The following INO80 variants were observed in gnomAD, a reference collection of about 807,000 sequenced individuals.
INO80 encodes the protein INO80 complex ATPase subunit, also known as chromatin-remodeling ATPase INO80.
A neutral mutation model predicts 203.4 loss-of-function variants in INO80; 20 were observed. The observed-to-expected ratio is 0.10, with a 90% CI of 0.07 to 0.14. The LOEUF (loss-of-function observed/expected upper bound fraction) is 0.14. Ranked by LOEUF, INO80 falls within the 10% of genes least tolerant of loss-of-function variation. The pLI, the probability that INO80 is intolerant of heterozygous loss-of-function variation, is 1.00. For synonymous variants in INO80, 726 were observed against 685.2 expected, an observed-to-expected ratio of 1.06 and a Z score of -0.93; for missense variants, 1,419 against 1,914.4, an observed-to-expected ratio of 0.74 and a Z score of 4.83.
chr15:40,989,530 A>G (rs1374833935), intron 29 of INO80, among the ~76,000 whole-genome samples: 1 of 152,200 alleles, frequency 6.6e-6, no homozygotes, highest in African/African-American at 2.4e-5. Flanking sequence ...TTTCTACTGT[A>G]ACAATCCCAC....
At chr15:41,087,126 A>T (rs1229591187) in intron 6 of INO80, among the ~76,000 whole-genome samples, 1 of 151,898 alleles carries the variant, frequency 6.6e-6, no homozygotes, top group East Asian at 1.9e-4. Flanking sequence ...GATCAAAAAT[A>T]TTCAGGAAAA....
chr15:40,985,665 T>C (rs186067299), intron 31 of INO80, among the ~76,000 whole-genome samples: 2 of 152,272 alleles, frequency 1.3e-5, no homozygotes, highest in East Asian at 3.9e-4. Context: ...ATCCCAGCAC[T>C]TTGGGAGGCT....
At position 41,079,923 on chromosome 15, in the gene INO80, T is replaced by A. The variant is rs367735290; in HGVS notation, c.928-19A>T. ...GAGCAAGCTGAAAACAACAACAGCATTACAGCGGAAAGGACCCCATACCAG... is the reference window on the plus strand; with the variant it reads ...GAGCAAGCTGAAAACAACAACAGCAATACAGCGGAAAGGACCCCATACCAG... On this transcript the variant is annotated intron_variant, in intron 8 of 35. Transcript: ENST00000648947. The A allele has an allele frequency of 6.2e-7, 1 of 1,611,554 alleles. No homozygotes were observed.
intron 1 of INO80, among the ~76,000 whole-genome samples, chr15:41,100,640 A>G (rs575710113): frequency 5.9e-4 from 90 of 152,312 alleles, no homozygotes; most frequent in Non-Finnish European, 1.3e-4. Flanking sequence ...CTGTAAGCAC[A>G]AAATTCTCCA....
At chr15:40,987,312 T>G (rs2043750938) in intron 30 of INO80, 119 bp from the exon 31 acceptor site, 1 of 595,168 alleles carries the variant, frequency 1.7e-6, no homozygotes, top group South Asian at 2.2e-5. Context: ...GGTTTCCTAT[T>G]TCTTCTTTTC....
At chr15:41,083,674 C>T (rs1006771029) in intron 7 of INO80, among the ~76,000 whole-genome samples, 2 of 147,318 alleles carry the variant, frequency 1.4e-5, no homozygotes, top group African/African-American at 2.5e-5. Context: ...AGATCACACA[C>T]CTGTACTCCA....
At chr15:40,987,279 C>A in intron 30 of INO80, 86 bp from the exon 31 acceptor site, 1 of 804,882 alleles carries the variant, frequency 1.2e-6, no homozygotes, top group South Asian at 1.5e-5. Context: ...TCGTTCTCAA[C>A]CCACTCCTCA....
chr15:40,980,227 C>G lies in INO80; in HGVS notation c.4667G>C (p.Arg1556Pro), dbSNP rs144180730. ...QGKGTNPSGG[R>P] The stretch of plus-strand genomic sequence containing the variant: ...GAAGTCGGAGGGCCCAGATGGTTAC[C>G]GTCCTCCAGAGGGGTTGGTGCCTTT... The change falls in exon 36 of 36, where the codon CGG becomes CCG. Residue 1556 changes from arginine to proline, a missense_variant. Physicochemically the swap from Arg to Pro is moderately radical, Grantham distance 103. Around this residue, in one of 9 missense-constraint regions of INO80, gnomAD observed 112 missense variants for 106.2 expected, o/e 1.05. Transcript: ENST00000648947. 15 of 1,612,184 alleles carry G rather than the reference C, an allele frequency of 9.3e-6. No homozygotes were observed. The highest frequency in any genetic ancestry group is 4.0e-5 in the African/African-American group (3 of 74,856).
At chr15:41,081,132 A>AGAAT in intron 7 of INO80, 59 bp from the exon 8 acceptor site, 7 of 1,061,494 alleles carry the variant, frequency 6.6e-6, no homozygotes, top group Non-Finnish European at 1.0e-5. Flanking sequence ...AAGACTATGT[A>AGAAT]GAATGAACAG....
chr15:41,104,450 C>G (rs2045853575), intron 1 of INO80, among the ~76,000 whole-genome samples: 1 of 152,066 alleles, frequency 6.6e-6, no homozygotes, highest in African/African-American at 2.4e-5. Context: ...GAATCATACC[C>G]ACATATATCA....
At chr15:41,014,629 G>C (rs1443795803) in intron 27 of INO80, among the ~76,000 whole-genome samples, 1 of 152,154 alleles carries the variant, frequency 6.6e-6, no homozygotes, top group East Asian at 1.9e-4. Flanking sequence ...ATACAAACCA[G>C]AGAGTTTAGT....
chr15:41,016,025 G>A (rs2044202641), intron 27 of INO80, 63 bp downstream of exon 27: 1 of 1,355,430 alleles, frequency 7.4e-7, no homozygotes, highest in Non-Finnish European at 1.0e-6. Context: ...ATTAGTCATG[G>A]ACATCTGATT....
Position 41,050,225 on chromosome 15 carries a change from T to C in INO80, c.2275-123A>G, listed in dbSNP as rs957828568. On this transcript the variant is annotated intron_variant, in intron 19 of 35. Coordinates refer to ENST00000648947, the MANE Select transcript of INO80 (RefSeq NM_017553.3). ...TGAGAATAAACATATGTGAACTCAG[T>C]ATCTCTATAAACCTGTGAATGTGGA... 8.1e-5 allele frequency: 53 copies of C among 652,610 alleles called. 1 individual carries two copies. In the Admixed American group the frequency reaches 1.4e-3, roughly 18 times the overall value. The allele number at this position is 652,610 out of a possible 1,614,324, so 40.4% of individuals were successfully genotyped here.
In INO80 at chr15:41,115,556, G is replaced by C. The variant is rs2046021027; in HGVS notation, c.-44+417C>G. Among the ~76,000 whole-genome samples, 3 of 152,256 alleles carry C rather than the reference G, an allele frequency of 2.0e-5. No homozygotes were observed. The South Asian group carries it at 6.2e-4, about 32-fold the overall frequency. On this transcript the variant is annotated intron_variant, in intron 1 of 35. Transcript: ENST00000648947. ...CCCTTAGATCTCATTTGTTTAAAATGACAGATACACAACCTTCACGGGGTT... is the reference window on the plus strand; with the variant it reads ...CCCTTAGATCTCATTTGTTTAAAATCACAGATACACAACCTTCACGGGGTT...
At chr15:41,081,839 T>C (rs975723474) in intron 7 of INO80, among the ~76,000 whole-genome samples, 1 of 152,138 alleles carries the variant, frequency 6.6e-6, no homozygotes, top group South Asian at 2.1e-4. Context: ...TCTTTAATGT[T>C]TGCACGTAAG....
chr15:41,026,983 G>A (rs1166807834), intron 25 of INO80, among the ~76,000 whole-genome samples: 2 of 152,186 alleles, frequency 1.3e-5, no homozygotes, highest in African/African-American at 4.8e-5. Flanking sequence ...AACCACAATA[G>A]AAACTAAGCC....
Position 41,087,587 on chromosome 15 carries a change from T to C in INO80, c.633A>G (p.Lys211=). 6.2e-7 allele frequency: 1 copy of C among 1,613,934 alleles called. No individual in the cohort carries two copies. The change falls in exon 6 of 36, where the codon AAA becomes AAG. Residue 211 remains lysine (K), a synonymous_variant. Transcript: ENST00000648947. ...QRHLLGPKKK[K]FKEEKKLKAK... ...CTTTAAGTTTCTTTTCCTCCTTAAA[T>C]TTCTTTTTCTTGGGTCCAAGTAGGT...
chr15:41,042,749 C>T (rs2044690620), intron 24 of INO80, among the ~76,000 whole-genome samples: 1 of 152,324 alleles, frequency 6.6e-6, no homozygotes, highest in Non-Finnish European at 1.5e-5. Context: ...GCTGGGATTA[C>T]AGGTGTGAGC....
chr15:41,057,410 C>A (rs2045005839), intron 16 of INO80, among the ~76,000 whole-genome samples: 4 of 151,370 alleles, frequency 2.6e-5, no homozygotes, highest in Admixed American at 2.6e-4. Flanking sequence ...CCCAACTGCG[C>A]CACTGCACCA....
Sources: allele counts gnomAD v4.1 joint callset (sites outside exome capture counted in the v4.1 genomes callset), GRCh38; gene constraint gnomAD v4.1.1; regional missense constraint gnomAD v4.1.1; transcripts MANE v1.5; gene names NCBI Gene and HGNC (gene_info 2026-07-23, HGNC 2026-07-21).